EYA4: variants seen among roughly 807,000 people sequenced by gnomAD.
The protein encoded by EYA4 is EYA transcriptional coactivator and phosphatase 4, also known as protein phosphatase EYA4.
A neutral mutation model predicts 87.9 loss-of-function variants in EYA4; 31 were observed. The ratio of observed to expected loss-of-function variants is 0.35; its 90% confidence interval spans 0.27 to 0.48. The LOEUF is 0.48. Ranked by LOEUF, EYA4 falls within the 20% of genes least tolerant of loss-of-function variation. The probability of loss-of-function intolerance (pLI) is 0.99; values close to 1 mark genes in which losing one functional copy is unlikely to be tolerated. For synonymous variants in EYA4, 263 were observed against 270.6 expected, an observed-to-expected ratio of 0.97 and a Z score of 0.28; for missense variants, 678 against 761.4, an observed-to-expected ratio of 0.89 and a Z score of 1.29.
At chr6:133,437,214 T>C (rs934807102) in intron 3 of EYA4, among the ~76,000 whole-genome samples, 1 of 152,204 alleles carries the variant, frequency 6.6e-6, no homozygotes, top group African/African-American at 2.4e-5. Flanking sequence ...CTTTAAATAT[T>C]ATGAGCAGTG....
At chr6:133,296,307 G>C (rs1778940674) in intron 2 of EYA4, among the ~76,000 whole-genome samples, 1 of 152,222 alleles carries the variant, frequency 6.6e-6, no homozygotes, top group African/African-American at 2.4e-5. Flanking sequence ...CAGGACGTTG[G>C]CTTTTACTCT....
intron 3 of EYA4, among the ~76,000 whole-genome samples, chr6:133,441,326 CTTTT>C (rs34273222): frequency 6.6e-6 from 1 of 152,036 alleles, no homozygotes; most frequent in Non-Finnish European, 1.5e-5. Flanking sequence ...TTATTTAGTT[CTTTT>C]TTAAGAGTTT....
intron 3 of EYA4, among the ~76,000 whole-genome samples, chr6:133,385,434 TGTGTGTGAGAGAGA>T (rs1786661196): frequency 7.8e-6 from 1 of 128,464 alleles, no homozygotes; most frequent in African/African-American, 2.7e-5. Flanking sequence ...TGTGTGTGTG[TGTGTGTGAGAGAGA>T]GAGAGAGAGA....
chr6:133,366,388 G>C (rs150256420), intron 2 of EYA4, among the ~76,000 whole-genome samples: 239 of 152,280 alleles, frequency 1.6e-3, no homozygotes, highest in African/African-American at 5.5e-3. Flanking sequence ...AGAACTAAGA[G>C]GATGAATCTC....
At chr6:133,310,444 T>G (rs1263619062) in intron 2 of EYA4, among the ~76,000 whole-genome samples, 1 of 152,224 alleles carries the variant, frequency 6.6e-6, no homozygotes, top group African/African-American at 2.4e-5. Context: ...TAATATAATA[T>G]GCTAGGATAC....
intron 3 of EYA4, among the ~76,000 whole-genome samples, chr6:133,396,840 C>T (rs2128506219): frequency 6.6e-6 from 1 of 152,274 alleles, no homozygotes; most frequent in East Asian, 1.9e-4. Flanking sequence ...GCACATGACA[C>T]AACTATCCAA....
At chr6:133,449,724 G>A (rs1793230792) in intron 5 of EYA4, among the ~76,000 whole-genome samples, 1 of 152,144 alleles carries the variant, frequency 6.6e-6, no homozygotes, top group Non-Finnish European at 1.5e-5. Flanking sequence ...CTTAGATAAT[G>A]TATATAAATT....
At chr6:133,528,608 G>T in intron 19 of EYA4, 117 bp from the exon 20 acceptor site, 1 of 824,578 alleles carries the variant, frequency 1.2e-6, no homozygotes, top group South Asian at 1.3e-5. Context: ...CCTGAACTTG[G>T]GTGGACCACA....
rs1335470664 is a variant in EYA4, at chr6:133,525,184, A to T, written c.1769A>T (p.Gln590Leu). 1 of 1,613,806 alleles carries T rather than the reference A, an allele frequency of 6.2e-7. No homozygotes were observed. Among genetic ancestry groups the T allele is most frequent in the South Asian group, 1.1e-5 (1 of 91,078 alleles). The change falls in exon 19 of 20, where the codon CAA (glutamine) becomes CTA (leucine). Residue 590 changes from glutamine (Q) to leucine (L), a missense_variant. Transcript: ENST00000355286. ...GAAAGTTGCTTTGAACGAATAATGCAAAGGTTTGGCAGAAAAGTAGTGTAT... is the reference window on the plus strand; with the variant it reads ...GAAAGTTGCTTTGAACGAATAATGCTAAGGTTTGGCAGAAAAGTAGTGTAT... ...GKESCFERIM[Q>L]RFGRKVVYVV...
chr6:133,463,861 G>A (rs1455291775), intron 9 of EYA4, among the ~76,000 whole-genome samples: 1 of 152,118 alleles, frequency 6.6e-6, no homozygotes, highest in African/African-American at 2.4e-5. Flanking sequence ...AGCTGGAATA[G>A]CAGTGCTCTT....
chr6:133,268,055 A>G (rs1776371091), intron 1 of EYA4, among the ~76,000 whole-genome samples: 1 of 152,046 alleles, frequency 6.6e-6, no homozygotes, highest in South Asian at 2.1e-4. Context: ...TCCAAAAAAC[A>G]TGTACTTATT....
At chr6:133,485,199 T>G (rs1796585724) in intron 13 of EYA4, among the ~76,000 whole-genome samples, 1 of 152,238 alleles carries the variant, frequency 6.6e-6, no homozygotes, top group Non-Finnish European at 1.5e-5. Flanking sequence ...AGCACTCATT[T>G]CAACACACAA....
intron 1 of EYA4, among the ~76,000 whole-genome samples, chr6:133,273,963 G>T (rs938527177): frequency 2.6e-5 from 4 of 151,940 alleles, no homozygotes; most frequent in African/African-American, 9.7e-5. Flanking sequence ...AGAGGATTCA[G>T]GGTTACTTGG....
At position 133,274,747 on chromosome 6, in the gene EYA4, T is replaced by C; in HGVS notation, c.-34T>C. On this transcript the variant is annotated 5_prime_UTR_variant, in exon 2 of 20. Coordinates refer to ENST00000355286, the MANE Select transcript of EYA4 (RefSeq NM_004100.5). The stretch of plus-strand genomic sequence containing the variant: ...ATTTTTACTTGAAGGAAGCTGCTTC[T>C]ACTTGGGAGTGGCAGGAGAAGTGAG... 6.2e-7 allele frequency: 1 copy of C among 1,603,084 alleles called. No individual in the cohort carries two copies.
intron 2 of EYA4, among the ~76,000 whole-genome samples, chr6:133,352,498 T>C (rs1293328568): frequency 6.6e-6 from 1 of 152,170 alleles, no homozygotes; most frequent in African/African-American, 2.4e-5. Context: ...GTTAAGAATG[T>C]CATATACGTA....
At chr6:133,428,410 C>T (rs77044119) in intron 3 of EYA4, among the ~76,000 whole-genome samples, 9,001 of 152,166 alleles carry the variant, frequency 0.059, 466 homozygotes, top group East Asian at 0.23. Flanking sequence ...CATGGCTAGA[C>T]GTGACGTCAA....
intron 16 of EYA4, among the ~76,000 whole-genome samples, chr6:133,514,334 C>A (rs1021052752): frequency 6.6e-6 from 1 of 152,088 alleles, no homozygotes; most frequent in Non-Finnish European, 1.5e-5. Flanking sequence ...AAATAAATAT[C>A]CCCTTGGGAA....
chr6:133,344,039 A>C (rs944596719), intron 2 of EYA4, among the ~76,000 whole-genome samples: 7 of 152,206 alleles, frequency 4.6e-5, no homozygotes, highest in African/African-American at 1.7e-4. Context: ...ATTTAAAAGC[A>C]ACCTCTTACT....
chr6:133,411,794 A>G (rs745458290), intron 3 of EYA4, among the ~76,000 whole-genome samples: 8 of 152,292 alleles, frequency 5.3e-5, no homozygotes, highest in Middle Eastern at 3.4e-3. Context: ...AATTCATTGA[A>G]TATATTTGTG....
Sources: allele counts gnomAD v4.1 joint callset (sites outside exome capture counted in the v4.1 genomes callset), GRCh38; gene constraint gnomAD v4.1.1; transcripts MANE v1.5; gene names NCBI Gene and HGNC (gene_info 2026-07-23, HGNC 2026-07-21).